The following ALLC variants were observed in gnomAD, a reference collection of about 807,000 sequenced individuals.
ALLC encodes the protein probable inactive allantoicase.
A neutral mutation model predicts 45.0 loss-of-function variants in ALLC; 40 were observed. The ratio of observed to expected loss-of-function variants is 0.89; its 90% CI spans 0.69 to 1.16. ALLC has a LOEUF of 1.16. Ranked by LOEUF, ALLC falls within the 50% of genes most tolerant of loss-of-function variation. The probability of loss-of-function intolerance (pLI) is 0.00; values close to 1 mark genes in which losing one functional copy is unlikely to be tolerated. For synonymous variants in ALLC, 176 were observed against 178.1 expected, an observed-to-expected ratio of 0.99 and a Z score of 0.09; for missense variants, 488 against 493.1, an observed-to-expected ratio of 0.99 and a Z score of 0.10.
At chr2:3,685,214 T>TCCCCCCCTCCCCTC (rs1434330011) in intron 7 of ALLC, among the ~76,000 whole-genome samples, 7 of 149,478 alleles carry the variant, frequency 4.7e-5, no homozygotes, top group East Asian at 2.0e-4. Flanking sequence ...CTCCACATCC[T>TCCCCCCCTCCCCTC]CGCTAGCATC....
At chr2:3,670,189 G>A (rs1053976508) in intron 1 of ALLC, among the ~76,000 whole-genome samples, 1 of 152,158 alleles carries the variant, frequency 6.6e-6, no homozygotes, top group African/African-American at 2.4e-5. Context: ...GAAAGTGTCC[G>A]TTTCATAGAC....
chr2:3,702,048 C>T (rs375193457), intron 11 of ALLC, among the ~76,000 whole-genome samples: 171 of 152,166 alleles, frequency 1.1e-3, no homozygotes, highest in African/African-American at 4.0e-3. Context: ...AGGAAATAAT[C>T]TCCGGGAGAG....
At chr2:3,692,435 C>G (rs556497742) in intron 7 of ALLC, among the ~76,000 whole-genome samples, 2 of 152,338 alleles carry the variant, frequency 1.3e-5, no homozygotes, top group East Asian at 1.9e-4. Context: ...GGGCCACATT[C>G]AAAGCCACCA....
chr2:3,700,391 G>T (rs1267057059), intron 10 of ALLC, among the ~76,000 whole-genome samples: 1 of 152,094 alleles, frequency 6.6e-6, no homozygotes, highest in Non-Finnish European at 1.5e-5. Context: ...ATACATACTT[G>T]CATTTTTTAT....
chr2:3,673,861 G>T (rs192208098), intron 2 of ALLC, among the ~76,000 whole-genome samples: 1 of 152,052 alleles, frequency 6.6e-6, no homozygotes, highest in Non-Finnish European at 1.5e-5. Context: ...AAGGAGAATC[G>T]GAAAAAAGGG....
At chr2:3,686,060 A>C (rs931011767) in intron 7 of ALLC, among the ~76,000 whole-genome samples, 2 of 151,114 alleles carry the variant, frequency 1.3e-5, no homozygotes, top group African/African-American at 4.8e-5. Flanking sequence ...TGCCAAGACC[A>C]ATGTCCTAGA....
At chr2:3,682,616 C>G (rs1029898953) in intron 6 of ALLC, among the ~76,000 whole-genome samples, 1 of 152,188 alleles carries the variant, frequency 6.6e-6, no homozygotes. Flanking sequence ...AGCTCCGCCT[C>G]CCAGGTTCAC....
intron 1 of ALLC, among the ~76,000 whole-genome samples, chr2:3,667,956 G>A (rs116399284): frequency 6.6e-6 from 1 of 152,102 alleles, no homozygotes; most frequent in Non-Finnish European, 1.5e-5. Flanking sequence ...GTAGAGATGG[G>A]GTTTCTCTAT....
Position 3,691,106 on chromosome 2 carries a change from T to G in ALLC, c.512-4611T>G, listed in dbSNP as rs994380939. Among the ~76,000 whole-genome samples, 8 of 152,310 alleles carry G rather than the reference T, an allele frequency of 5.3e-5. No homozygotes were observed. The East Asian group carries it at 1.2e-3, about 22-fold the overall frequency. ...GATACAATATTCTTGGATGGCAGTA[T>G]TTTTTTCTTTCAGCACTTTAAAATG... On this transcript the variant is annotated intron_variant, in intron 7 of 11. Coordinates refer to ENST00000252505, the MANE Select transcript of ALLC (RefSeq NM_018436.4).
chr2:3,654,563 A>T (rs1666400623), upstream of ALLC, among the ~76,000 whole-genome samples: 2 of 152,212 alleles, frequency 1.3e-5, no homozygotes. Context: ...TGACCCACAC[A>T]TTCAGGTTAT....
chr2:3,700,193 G>T (rs1387842617), intron 10 of ALLC, among the ~76,000 whole-genome samples: 4 of 152,128 alleles, frequency 2.6e-5, no homozygotes, highest in Non-Finnish European at 4.4e-5. Flanking sequence ...TAAGGAAGGG[G>T]TCCTGTTTCA....
At position 3,678,493 on chromosome 2, in the gene ALLC, A is replaced by G. The variant is rs115017990; in HGVS notation, c.110A>G (p.His37Arg). Residue 37 changes from histidine (H) to arginine (R), a missense_variant, in exon 4 of 12, where the codon CAT (histidine) becomes CGT (arginine). By Grantham distance (29) the His-to-Arg change is conservative. Transcript: ENST00000252505. ...AGTGACAGCCCGTGCTTCAAAGAGC[A>G]TGAATATACGGAGTTTGGGAAATGG... ...IKSDSPCFKE[H>R]EYTEFGKWMD... The G allele has an allele frequency of 1.9e-6, 3 of 1,614,048 alleles. No homozygotes were observed. The highest frequency in any genetic ancestry group is 2.2e-5 in the East Asian group (1 of 44,888).
chr2:3,666,395 C>T (rs755672485), intron 1 of ALLC, among the ~76,000 whole-genome samples: 5 of 152,320 alleles, frequency 3.3e-5, no homozygotes, highest in East Asian at 3.9e-4. Context: ...CCCAGCACTG[C>T]GTGATTTTGC....
chr2:3,660,819 A>AATAGGAATGAGTCAGGGTGGAGCAGGTG (rs1666554320), intron 1 of ALLC, among the ~76,000 whole-genome samples: 1 of 106,986 alleles, frequency 9.3e-6, no homozygotes, highest in East Asian at 3.7e-4. Context: ...TGGGGCAGGA[A>AATAGGAATGAGTCAGGGTGGAGCAGGTG]ATCGGAATGA....
chr2:3,668,866 G>A (rs13004799), intron 1 of ALLC, among the ~76,000 whole-genome samples: 51,677 of 150,674 alleles, frequency 0.34, 8,914 homozygotes, highest in Non-Finnish European at 0.36. Context: ...GTGAGCCACC[G>A]CGCCTGGCCA....
At chr2:3,659,248 G>A (rs1245431715) in intron 1 of ALLC, among the ~76,000 whole-genome samples, 1 of 152,038 alleles carries the variant, frequency 6.6e-6, no homozygotes, top group African/African-American at 2.4e-5. Context: ...GTGCTTCCTA[G>A]ACTTGCCTGG....
chr2:3,691,060 A>G (rs932835300), intron 7 of ALLC, among the ~76,000 whole-genome samples: 101 of 151,154 alleles, frequency 6.7e-4, no homozygotes, highest in African/African-American at 2.4e-3. Flanking sequence ...TCTCTTTCAT[A>G]TTTGAAAGAT....
At position 3,695,763 on chromosome 2, in the gene ALLC, C is replaced by G; in HGVS notation, c.558C>G (p.Asp186Glu). 1 of 1,614,018 alleles carries G rather than the reference C, an allele frequency of 6.2e-7. No individual in the cohort carries two copies. The highest frequency in any genetic ancestry group is 8.5e-7 in the Non-Finnish European group (1 of 1,179,888). Residue 186 changes from aspartate (D) to glutamate (E), a missense_variant, in exon 8 of 12, where the codon GAC (aspartate) becomes GAG (glutamate). Physicochemically the swap from Asp to Glu is conservative, Grantham distance 45. Coordinates refer to ENST00000252505, the MANE Select transcript of ALLC (RefSeq NM_018436.4). The stretch of plus-strand genomic sequence containing the variant: ...GAGTATTCGGTACTGGACAAAAAGA[C>G]TGGACTGCAACTGACCCCAAAGAAC... ...RLRVFGTGQK[D>E]WTATDPKEPA...
chr2:3,662,284 A>G (rs1666595331), intron 1 of ALLC, among the ~76,000 whole-genome samples: 1 of 152,178 alleles, frequency 6.6e-6, no homozygotes, highest in South Asian at 2.1e-4. Flanking sequence ...TGCTTTGCAT[A>G]TATGGTGAGA....
Sources: allele counts gnomAD v4.1 joint callset (sites outside exome capture counted in the v4.1 genomes callset), GRCh38; gene constraint gnomAD v4.1.1; transcripts MANE v1.5; gene names NCBI Gene and HGNC (gene_info 2026-07-23, HGNC 2026-07-21).